NR2F1-AS1: variants seen among roughly 807,000 people sequenced by gnomAD.
NR2F1-AS1 encodes NR2F1 antisense RNA 1.
At chr5:93,447,342 TAAAC>T (rs1196019654) in intron 4 of NR2F1-AS1, among the ~76,000 whole-genome samples, 2 of 151,954 alleles carry the variant, frequency 1.3e-5, no homozygotes, top group East Asian at 3.9e-4. Context: ...ACAAAGAACT[TAAAC>T]AAATTTACAA....
At chr5:93,431,380 G>A (rs140248121) in intron 4 of NR2F1-AS1, among the ~76,000 whole-genome samples, 7 of 152,186 alleles carry the variant, frequency 4.6e-5, no homozygotes, top group African/African-American at 9.6e-5. Context: ...GAAAATAGAC[G>A]GATTTGTGTT....
upstream of NR2F1-AS1, among the ~76,000 whole-genome samples, chr5:93,581,715 TCTCTCTCTCTCTCTCTCTCCCC>T (rs1561519086): frequency 1.3e-4 from 8 of 63,268 alleles, no homozygotes; most frequent in African/African-American, 6.1e-4. Context: ...TCTCTCTCTC[TCTCTCTCTCTCTCTCTCTCCCC>T]CTCTCCCTCT....
intron 4 of NR2F1-AS1, among the ~76,000 whole-genome samples, chr5:93,481,013 T>C (rs1750588750): frequency 6.6e-6 from 1 of 152,060 alleles, no homozygotes; most frequent in African/African-American, 2.4e-5. Flanking sequence ...AAATAAGTTC[T>C]TCATGATCAG....
At chr5:93,578,567 G>C (rs1258077982) in intron 1 of NR2F1-AS1, among the ~76,000 whole-genome samples, 1 of 152,182 alleles carries the variant, frequency 6.6e-6, no homozygotes, top group Non-Finnish European at 1.5e-5. Context: ...AGCCCCTGTG[G>C]GCCTGGCTGG....
At chr5:93,581,729 TCTCTCCCCCTCTCC>T (rs1561519246), upstream of NR2F1-AS1, among the ~76,000 whole-genome samples, 212 of 35,536 alleles carry the variant, frequency 6.0e-3, 16 homozygotes, top group African/African-American at 0.015. Context: ...TCTCTCTCTC[TCTCTCCCCCTCTCC>T]CTCTCCCTCT....
At chr5:93,460,047 C>G (rs1273798026) in intron 4 of NR2F1-AS1, among the ~76,000 whole-genome samples, 1 of 152,078 alleles carries the variant, frequency 6.6e-6, no homozygotes, top group Admixed American at 6.6e-5. Context: ...GGGTCAAATT[C>G]AGTCCATCGA....
intron 4 of NR2F1-AS1, among the ~76,000 whole-genome samples, chr5:93,440,937 A>G (rs1195267916): frequency 6.6e-6 from 1 of 152,126 alleles, no homozygotes; most frequent in African/African-American, 2.4e-5. Flanking sequence ...TTACTCCTTT[A>G]CTCCAAAAAC....
intron 4 of NR2F1-AS1, among the ~76,000 whole-genome samples, chr5:93,536,083 A>T (rs528366534): frequency 6.6e-6 from 1 of 152,308 alleles, no homozygotes; most frequent in African/African-American, 2.4e-5. Flanking sequence ...AGAATAAATG[A>T]ATTCAGTAAA....
At chr5:93,426,030 T>G (rs1749187583) in intron 4 of NR2F1-AS1, among the ~76,000 whole-genome samples, 1 of 151,382 alleles carries the variant, frequency 6.6e-6, no homozygotes, top group Non-Finnish European at 1.5e-5. Context: ...ACTAATTAGA[T>G]CCATCTCACC....
At chr5:93,437,496 A>T (rs575530210) in intron 4 of NR2F1-AS1, among the ~76,000 whole-genome samples, 2 of 152,216 alleles carry the variant, frequency 1.3e-5, no homozygotes, top group East Asian at 1.9e-4. Flanking sequence ...ATTTCTATTG[A>T]AGAGGGCTGG....
At chr5:93,547,176 T>C (rs1051514112) in intron 4 of NR2F1-AS1, among the ~76,000 whole-genome samples, 2 of 152,194 alleles carry the variant, frequency 1.3e-5, no homozygotes, top group Admixed American at 1.3e-4. Context: ...CATATGTATA[T>C]GCATATATAT....
chr5:93,554,818 C>A (rs903723783), intron 3 of NR2F1-AS1: 1 of 152,274 alleles, frequency 6.6e-6, no homozygotes, highest in Admixed American at 6.5e-5. Context: ...TAGATTCTAA[C>A]CCAGATCCTC....
chr5:93,552,289 T>C (rs1752249013), intron 4 of NR2F1-AS1, among the ~76,000 whole-genome samples: 1 of 152,168 alleles, frequency 6.6e-6, no homozygotes, highest in Admixed American at 6.5e-5. Context: ...CAATCTTGAA[T>C]GAAAGTTGGT....
Position 93,579,731 on chromosome 5 carries a change from C to A in NR2F1-AS1, n.313+736G>T, listed in dbSNP as rs554931787. On this transcript the variant is annotated intron_variant and non_coding_transcript_variant, in intron 1 of 5. Transcript: ENST00000660523. This position sits in a 1 kb window ranked among gnomAD's most constrained non-coding sequence, Gnocchi z 5.1. ...TTGAGCCTCTTCCTTTCAACACACC[C>A]CCTCTGTCCCCACCCCTGGGAGGCG... 6.6e-6 allele frequency among the ~76,000 whole-genome samples: 1 copy of A among 152,210 alleles called. No homozygotes were observed. The highest frequency in any genetic ancestry group is 2.1e-4 in the South Asian group (1 of 4,818).
chr5:93,584,973 G>A, upstream of NR2F1-AS1: 2 of 886,244 alleles, frequency 2.3e-6, no homozygotes, highest in Non-Finnish European at 2.7e-6. Flanking sequence ...CGCGCCCCGC[G>A]GCCCTCGGCG....
intron 1 of NR2F1-AS1, among the ~76,000 whole-genome samples, chr5:93,565,007 C>G (rs1052435832): frequency 6.6e-6 from 1 of 151,824 alleles, no homozygotes; most frequent in Non-Finnish European, 1.5e-5. Context: ...AAAGATAGTC[C>G]GAGAAAAAAA....
intron 4 of NR2F1-AS1, among the ~76,000 whole-genome samples, chr5:93,507,546 C>T (rs1434915855): frequency 6.6e-6 from 1 of 151,878 alleles, no homozygotes; most frequent in Admixed American, 6.6e-5. Context: ...TTAGTAGACA[C>T]GAGGTTTTAC....
At chr5:93,470,585 C>T (rs1335021232) in intron 4 of NR2F1-AS1, among the ~76,000 whole-genome samples, 1 of 151,604 alleles carries the variant, frequency 6.6e-6, no homozygotes, top group Admixed American at 6.6e-5. Flanking sequence ...TTTGAATCAC[C>T]TTTAAAACGG....
At chr5:93,563,022 A>T (rs1752530224) in intron 2 of NR2F1-AS1, among the ~76,000 whole-genome samples, 1 of 152,246 alleles carries the variant, frequency 6.6e-6, no homozygotes, top group Admixed American at 6.5e-5. Flanking sequence ...TGTAAGTCAC[A>T]GCTACAAATT....
Sources: allele counts gnomAD v4.1 joint callset (sites outside exome capture counted in the v4.1 genomes callset), GRCh38; gene constraint gnomAD v4.1.1; non-coding constraint Gnocchi (gnomAD v3.1); transcripts MANE v1.5; gene names NCBI Gene and HGNC (gene_info 2026-07-23, HGNC 2026-07-21).